The following NELL2 variants were observed in gnomAD, a reference collection of about 807,000 sequenced individuals.
NELL2 encodes the protein protein kinase C-binding protein NELL2.
In NELL2, 41 loss-of-function variants were observed where a neutral mutation model predicts 109.6. That is an observed-to-expected ratio of 0.37 (90% CI 0.29 to 0.49). The LOEUF is 0.49. NELL2 is among the 20% of genes least tolerant of loss of function. The probability of loss-of-function intolerance (pLI) is 0.98; values close to 1 mark genes in which losing one functional copy is unlikely to be tolerated. For missense variants in NELL2, 900 were observed against 1,008.3 expected, an observed-to-expected ratio of 0.89 and a Z score of 1.45; for synonymous variants, 355 against 344.7, an observed-to-expected ratio of 1.03 and a Z score of -0.33.
upstream of NELL2, chr12:44,876,911 G>T (rs1945344512): frequency 3.2e-6 from 4 of 1,253,454 alleles, no homozygotes; most frequent in Non-Finnish European, 4.0e-6. Flanking sequence ...GAGGTTCCCT[G>T]CCGGGGGCGG....
At chr12:44,631,433 G>T (rs1946453719) in intron 13 of NELL2, among the ~76,000 whole-genome samples, 1 of 151,768 alleles carries the variant, frequency 6.6e-6, no homozygotes, top group Admixed American at 6.6e-5. Context: ...TATATTTGTG[G>T]GATATAGCTT....
At chr12:44,573,341 A>T (rs191314457) in intron 15 of NELL2, among the ~76,000 whole-genome samples, 10 of 152,334 alleles carry the variant, frequency 6.6e-5, no homozygotes, top group Non-Finnish European at 1.5e-5. Context: ...AAATGAATGG[A>T]ATTGATGACT....
chr12:44,525,139 A>T (rs927924205), intron 16 of NELL2, among the ~76,000 whole-genome samples: 2 of 152,252 alleles, frequency 1.3e-5, no homozygotes, highest in African/African-American at 4.8e-5. Flanking sequence ...TAAGGACATT[A>T]TTCCATGAAT....
At chr12:44,687,118 T>C (rs1948745593) in intron 12 of NELL2, among the ~76,000 whole-genome samples, 1 of 152,188 alleles carries the variant, frequency 6.6e-6, no homozygotes, top group African/African-American at 2.4e-5. Flanking sequence ...TGCACCATTT[T>C]TTAAGCCCGT....
chr12:44,810,875 G>C (rs888670851), intron 3 of NELL2, among the ~76,000 whole-genome samples: 1 of 152,004 alleles, frequency 6.6e-6, no homozygotes, highest in African/African-American at 2.4e-5. Context: ...ATTTTTAAAA[G>C]TTAAATTATG....
intron 9 of NELL2, among the ~76,000 whole-genome samples, chr12:44,742,000 G>A (rs577055850): frequency 7.2e-5 from 11 of 152,272 alleles, no homozygotes; most frequent in East Asian, 1.9e-4. Flanking sequence ...CTTAGAACTG[G>A]CAGACTGCCT....
chr12:44,663,418 T>C (rs1420232448), intron 13 of NELL2, among the ~76,000 whole-genome samples: 1 of 152,154 alleles, frequency 6.6e-6, no homozygotes, highest in Non-Finnish European at 1.5e-5. Context: ...ATAGAAATAG[T>C]GGTGTTAGTT....
Position 44,667,544 on chromosome 12 carries a change from C to T in NELL2, c.1319-1935G>A, listed in dbSNP as rs149966416. On this transcript the variant is annotated intron_variant, in intron 12 of 19. Transcript: ENST00000429094. The stretch of plus-strand genomic sequence containing the variant: ...CAGGTCATAAGTTGATGACTTCTGA[C>T]GTAAGGCATAACCAAGTTTAACAAT... Among the ~76,000 whole-genome samples, 181 of 152,250 alleles carry T rather than the reference C, an allele frequency of 1.2e-3. 1 individual carries two copies. Among genetic ancestry groups the T allele is most frequent in the African/African-American group, 3.8e-3 (157 of 41,552 alleles).
chr12:44,875,577 C>G lies in NELL2; in HGVS notation c.56-224G>C, dbSNP rs1476616226. Reference sequence around the variant, plus strand: ...TTTCCATGACCTCCTTTAAACCCTTCTCTCTGCAAAGTTCCCCCTCAGCCC... The same window carrying G: ...TTTCCATGACCTCCTTTAAACCCTTGTCTCTGCAAAGTTCCCCCTCAGCCC... On this transcript the variant is annotated intron_variant, in intron 1 of 19. Coordinates refer to ENST00000429094, the MANE Select transcript of NELL2 (RefSeq NM_001145108.2). 3 of 1,613,786 alleles carry G rather than the reference C, an allele frequency of 1.9e-6. No homozygotes were observed. The African/African-American group carries it at 4.0e-5, about 22-fold the overall frequency.
At chr12:44,832,962 T>C (rs1350190317) in intron 2 of NELL2, among the ~76,000 whole-genome samples, 1 of 152,168 alleles carries the variant, frequency 6.6e-6, no homozygotes, top group Admixed American at 6.5e-5. Context: ...AGTATTTTCT[T>C]AGCAATGTTA....
At chr12:44,745,903 C>A (rs905036010) in intron 9 of NELL2, among the ~76,000 whole-genome samples, 9 of 152,290 alleles carry the variant, frequency 5.9e-5, no homozygotes, top group Admixed American at 4.6e-4. Context: ...ATGCCATCCC[C>A]ATCAAGCTAC....
intron 12 of NELL2, among the ~76,000 whole-genome samples, chr12:44,680,681 G>A (rs1191712633): frequency 6.6e-6 from 1 of 152,046 alleles, no homozygotes; most frequent in Non-Finnish European, 1.5e-5. Flanking sequence ...CAAAACACAT[G>A]GGGCTCTGTT....
intron 9 of NELL2, among the ~76,000 whole-genome samples, chr12:44,771,017 T>A (rs1941525776): frequency 1.3e-5 from 2 of 152,220 alleles, no homozygotes; most frequent in African/African-American, 2.4e-5. Flanking sequence ...CTGATAATTT[T>A]TTTTTTAAAC....
chr12:44,761,434 G>A (rs111820649), intron 9 of NELL2, among the ~76,000 whole-genome samples: 3,279 of 152,206 alleles, frequency 0.022, 99 homozygotes, highest in African/African-American at 0.071. Context: ...TAGTGGGAAC[G>A]TAAATTATTA....
At chr12:44,704,848 G>A (rs941116567) in intron 11 of NELL2, among the ~76,000 whole-genome samples, 11 of 151,646 alleles carry the variant, frequency 7.3e-5, no homozygotes, top group Admixed American at 1.3e-4. Context: ...GTGAAACCCC[G>A]TCTGTACTAA....
At chr12:44,629,389 A>T (rs1946373213) in intron 13 of NELL2, among the ~76,000 whole-genome samples, 1 of 152,240 alleles carries the variant, frequency 6.6e-6, no homozygotes, top group African/African-American at 2.4e-5. Context: ...TTTTAAAGGA[A>T]TTAAAATATG....
chr12:44,740,066 C>T (rs74079186), intron 9 of NELL2, among the ~76,000 whole-genome samples: 8,119 of 152,134 alleles, frequency 0.053, 671 homozygotes, highest in African/African-American at 0.18. Context: ...CTTTACAGAA[C>T]AAACGTACAT....
At chr12:44,520,779 T>C (rs190014489) in intron 18 of NELL2, among the ~76,000 whole-genome samples, 1 of 152,232 alleles carries the variant, frequency 6.6e-6, no homozygotes, top group Non-Finnish European at 1.5e-5. Flanking sequence ...CATTCCTTTT[T>C]AATTCCACAC....
intron 9 of NELL2, among the ~76,000 whole-genome samples, chr12:44,728,713 A>T (rs1248075663): frequency 1.3e-5 from 2 of 152,184 alleles, no homozygotes; most frequent in Admixed American, 1.3e-4. Context: ...AAAGACAAAG[A>T]GCATTTCAAA....
Sources: allele counts gnomAD v4.1 joint callset (sites outside exome capture counted in the v4.1 genomes callset), GRCh38; gene constraint gnomAD v4.1.1; transcripts MANE v1.5; gene names NCBI Gene and HGNC (gene_info 2026-07-23, HGNC 2026-07-21).